The following SPHKAP variants were observed in gnomAD, a reference collection of about 807,000 sequenced individuals.
SPHKAP encodes SPHK1 interactor, AKAP domain containing, also known as A-kinase anchor protein SPHKAP.
Under a neutral mutation model 137.5 loss-of-function variants are expected in SPHKAP, and 67 were observed. The observed-to-expected ratio is 0.49, with a 90% CI of 0.40 to 0.60. SPHKAP has a LOEUF of 0.60. Among genes scored for constraint, SPHKAP ranks in the 20% least tolerant of loss-of-function variants. SPHKAP has a pLI of 0.00. For missense variants in SPHKAP, 2,097 were observed against 2,069.3 expected, an observed-to-expected ratio of 1.01 and a Z score of -0.26; for synonymous variants, 813 against 785.3, an observed-to-expected ratio of 1.04 and a Z score of -0.59.
intron 1 of SPHKAP, among the ~76,000 whole-genome samples, chr2:228,135,665 T>C (rs1699416640): frequency 6.6e-6 from 1 of 152,244 alleles, no homozygotes; most frequent in Non-Finnish European, 1.5e-5. Flanking sequence ...CCTGCAAGGC[T>C]GATGCCATTT....
At position 228,018,351 on chromosome 2, in the gene SPHKAP, G is replaced by A. The variant is rs777110833; in HGVS notation, c.2503C>T (p.Leu835=). The A allele has an allele frequency of 2.5e-6, 4 of 1,614,028 alleles. No homozygotes were observed. In the African/African-American group the frequency reaches 5.3e-5, roughly 22 times the overall value. Residue 835 remains leucine, a synonymous_variant, in exon 7 of 12, where the codon CTG becomes TTG. Coordinates refer to ENST00000392056, the MANE Select transcript of SPHKAP (RefSeq NM_001142644.2). Reference sequence around the variant, plus strand: ...GTATCCTCTCCTGCTATTCCTTTCAGATATATTTCCTTGGAGGATGTTGTA... The same window carrying A: ...GTATCCTCTCCTGCTATTCCTTTCAAATATATTTCCTTGGAGGATGTTGTA... The part of the protein sequence containing the change: ...TATTSSKEIY[L]KGIAGEDTKS...
At chr2:228,147,087 G>A (rs957229008) in intron 1 of SPHKAP, among the ~76,000 whole-genome samples, 3 of 152,270 alleles carry the variant, frequency 2.0e-5, no homozygotes, top group Non-Finnish European at 2.9e-5. Flanking sequence ...TAGTTCTTGA[G>A]ATGAAAAGAA....
intron 3 of SPHKAP, among the ~76,000 whole-genome samples, chr2:228,045,359 C>A (rs1248592600): frequency 7.6e-6 from 1 of 132,218 alleles, no homozygotes; most frequent in Admixed American, 8.0e-5. Context: ...AAATGTCCAA[C>A]AATGATAGAC....
chr2:228,025,656 T>A (rs915795419), intron 4 of SPHKAP, 128 bp from the exon 5 acceptor site: 2 of 1,132,968 alleles, frequency 1.8e-6, no homozygotes, highest in East Asian at 2.8e-5. Flanking sequence ...CTACCAAGAT[T>A]CTTACTAGAA....
In SPHKAP at chr2:228,027,763, C is replaced by T. The variant is rs546494833; in HGVS notation, c.247-220G>A. Among the ~76,000 whole-genome samples, 17 of 151,886 alleles carry T rather than the reference C, an allele frequency of 1.1e-4. No individual in the cohort carries two copies. The East Asian group carries it at 1.8e-3, about 16-fold the overall frequency. ...CGGGCAGATCACGAGGTCAGGAGAT[C>T]GAGACCATCCTGGCCAACATGGTGA... is the stretch of plus-strand genomic sequence containing the variant. On this transcript the variant is annotated intron_variant, in intron 3 of 11. Transcript: ENST00000392056.
At chr2:228,037,835 ACC>A (rs1339281838) in intron 3 of SPHKAP, among the ~76,000 whole-genome samples, 1 of 152,204 alleles carries the variant, frequency 6.6e-6, no homozygotes, top group African/African-American at 2.4e-5. Flanking sequence ...CAGCCCTGAA[ACC>A]TAAATTTTGG....
chr2:228,092,904 G>A lies in SPHKAP; in HGVS notation c.246+15928C>T, dbSNP rs937203400. ...CAATACAGTATTCTTTGGGGACTCAGGGAAAAGGATGGGAACAGGTTGAGG... is the reference window on the plus strand; with the variant it reads ...CAATACAGTATTCTTTGGGGACTCAAGGAAAAGGATGGGAACAGGTTGAGG... On this transcript the variant is annotated intron_variant, in intron 3 of 11. Transcript: ENST00000392056. Among the ~76,000 whole-genome samples, 37 of 152,066 alleles carry A rather than the reference G, an allele frequency of 2.4e-4. 1 individual carries two copies. Among genetic ancestry groups the A allele is most frequent in the African/African-American group, 8.9e-4 (37 of 41,480 alleles).
At position 228,130,492 on chromosome 2, in the gene SPHKAP, T is replaced by C. The variant is rs562188825; in HGVS notation, c.138+1488A>G. Reference sequence around the variant, plus strand: ...GAAATTGAGATATGAAGTAAAGTCATGTGCTCAAGATCGCACAAGTAATGA... The same window carrying C: ...GAAATTGAGATATGAAGTAAAGTCACGTGCTCAAGATCGCACAAGTAATGA... On this transcript the variant is annotated intron_variant, in intron 2 of 11. Coordinates refer to ENST00000392056, the MANE Select transcript of SPHKAP (RefSeq NM_001142644.2). Among the ~76,000 whole-genome samples, 10 of 152,358 alleles carry C rather than the reference T, an allele frequency of 6.6e-5. No individual in the cohort carries two copies. In the South Asian group the frequency reaches 1.9e-3, roughly 28 times the overall value.
intron 3 of SPHKAP, among the ~76,000 whole-genome samples, chr2:228,074,204 T>C (rs1697099018): frequency 6.6e-6 from 1 of 152,236 alleles, no homozygotes; most frequent in Non-Finnish European, 1.5e-5. Flanking sequence ...GCATATACTG[T>C]GATTAAAAAG....
At chr2:228,152,687 T>C (rs967847732) in intron 1 of SPHKAP, among the ~76,000 whole-genome samples, 10 of 151,504 alleles carry the variant, frequency 6.6e-5, no homozygotes, top group African/African-American at 2.4e-4. Flanking sequence ...CAAGTTTTAT[T>C]ATTTTTTGGC....
intron 2 of SPHKAP, among the ~76,000 whole-genome samples, chr2:228,112,120 A>T (rs1698537323): frequency 6.6e-6 from 1 of 152,172 alleles, no homozygotes. Context: ...AACTGATGTT[A>T]TCATGCTTCT....
chr2:228,122,298 T>A (rs78095699), intron 2 of SPHKAP, among the ~76,000 whole-genome samples: 1 of 151,830 alleles, frequency 6.6e-6, no homozygotes, highest in Non-Finnish European at 1.5e-5. Flanking sequence ...GATTTTTTTT[T>A]AAAAAGAAAA....
At chr2:228,162,352 A>G (rs1559208490) in intron 1 of SPHKAP, among the ~76,000 whole-genome samples, 1 of 152,240 alleles carries the variant, frequency 6.6e-6, no homozygotes, top group Non-Finnish European at 1.5e-5. Context: ...ATTCTGATAT[A>G]AGTAATATCT....
intron 1 of SPHKAP, among the ~76,000 whole-genome samples, chr2:228,139,681 C>A (rs903586366): frequency 2.6e-5 from 4 of 152,062 alleles, no homozygotes; most frequent in African/African-American, 9.7e-5. Context: ...GATAACTTAG[C>A]CTTTTTCTCT....
intron 1 of SPHKAP, among the ~76,000 whole-genome samples, chr2:228,151,770 A>G (rs1247794454): frequency 1.3e-5 from 2 of 151,624 alleles, no homozygotes; most frequent in Non-Finnish European, 2.9e-5. Context: ...TCCTTTCTTT[A>G]CTTTCTTTGG....
In SPHKAP at chr2:228,017,127, TGCTGTCTG is replaced by T. The variant is rs1443334430; in HGVS notation, c.3719_3726del (p.Pro1240GlnfsTer37). 1 of 1,613,950 alleles carries T rather than the reference TGCTGTCTG, an allele frequency of 6.2e-7. No individual in the cohort carries two copies. Among genetic ancestry groups the T allele is most frequent in the Non-Finnish European group, 8.5e-7 (1 of 1,180,016 alleles). ...ACTGTCAGCCTGGAGCATGGGGATCTGCTGTCTGGCATGGACGACTGTCTGTGGCACAC... is the reference window on the plus strand; with the variant it reads ...ACTGTCAGCCTGGAGCATGGGGATCTGCATGGACGACTGTCTGTGGCACAC... On this transcript the variant is annotated frameshift_variant, in exon 7 of 12. Coordinates refer to ENST00000392056, the MANE Select transcript of SPHKAP (RefSeq NM_001142644.2). LOFTEE classifies it high-confidence loss of function.
At chr2:228,032,152 G>T (rs1189704876) in intron 3 of SPHKAP, among the ~76,000 whole-genome samples, 1 of 152,246 alleles carries the variant, frequency 6.6e-6, no homozygotes, top group South Asian at 2.1e-4. Context: ...TAGATGAATG[G>T]ATAACTAGAA....
chr2:228,022,106 T>C (rs1375973814), intron 5 of SPHKAP, 140 bp from the exon 6 acceptor site: 29 of 1,331,006 alleles, frequency 2.2e-5, no homozygotes, highest in Non-Finnish European at 2.8e-5. Flanking sequence ...TCTGGAATTA[T>C]ATTAATAAAC....
chr2:228,120,306 TG>T (rs1698865545), intron 2 of SPHKAP, among the ~76,000 whole-genome samples: 1 of 152,182 alleles, frequency 6.6e-6, no homozygotes, highest in Non-Finnish European at 1.5e-5. Context: ...ATCTATGAAA[TG>T]CTTTTTGCAA....
Sources: allele counts gnomAD v4.1 joint callset (sites outside exome capture counted in the v4.1 genomes callset), GRCh38; gene constraint gnomAD v4.1.1; transcripts MANE v1.5; gene names NCBI Gene and HGNC (gene_info 2026-07-23, HGNC 2026-07-21).